Variants in VPS35L observed in about 807,000 individuals in gnomAD.
The protein encoded by VPS35L is VPS35 endosomal protein sorting factor like.
In VPS35L, 83 loss-of-function variants were observed where a neutral mutation model predicts 133.0. The ratio of observed to expected loss-of-function variants is 0.62; its 90% confidence interval spans 0.52 to 0.75. VPS35L has a LOEUF of 0.75. Ranked by LOEUF, VPS35L falls within the 30% of genes least tolerant of loss-of-function variation. The pLI, the probability that VPS35L is intolerant of heterozygous loss-of-function variation, is 0.00. For synonymous variants in VPS35L, 423 were observed against 449.9 expected (o/e 0.94, Z 0.76); for missense variants, 1,083 against 1,206.8 (o/e 0.90, Z 1.52).
intron 12 of VPS35L, among the ~76,000 whole-genome samples, chr16:19,613,777 G>T (rs1219006448): frequency 1.3e-5 from 2 of 152,164 alleles, no homozygotes; most frequent in African/African-American, 4.8e-5. Context: ...ATGGAGCTCA[G>T]GGTGAGGTGG....
chr16:19,604,880 C>G (rs933566975), intron 9 of VPS35L, among the ~76,000 whole-genome samples: 2 of 152,144 alleles, frequency 1.3e-5, no homozygotes, highest in Non-Finnish European at 2.9e-5. Flanking sequence ...TAGATGTGGT[C>G]ATTTTTTCCC....
chr16:19,606,638 C>T (rs1972545281), intron 9 of VPS35L, among the ~76,000 whole-genome samples: 1 of 152,096 alleles, frequency 6.6e-6, no homozygotes, highest in African/African-American at 2.4e-5. Context: ...TTTTGATCAC[C>T]TTCATATACT....
At chr16:19,568,587 T>G (rs754890951) in intron 2 of VPS35L, among the ~76,000 whole-genome samples, 34 of 152,036 alleles carry the variant, frequency 2.2e-4, no homozygotes, top group Non-Finnish European at 4.0e-4. Flanking sequence ...CCATCGGGAG[T>G]CACCTTATTA....
At chr16:19,647,456 G>C (rs1285174284) in intron 23 of VPS35L, among the ~76,000 whole-genome samples, 6 of 152,132 alleles carry the variant, frequency 3.9e-5, no homozygotes, top group African/African-American at 1.4e-4. Context: ...GCCAAGGTTG[G>C]GTCCCCATCA....
intron 22 of VPS35L, 103 bp from the exon 23 acceptor site, chr16:19,644,775 GAAAATGCA>G: frequency 1.6e-6 from 1 of 644,096 alleles, no homozygotes; most frequent in East Asian, 2.9e-5. Flanking sequence ...TTTAAATCTA[GAAAATGCA>G]AAATGTTCTT....
At chr16:19,642,839 A>G (rs1424203893) in intron 22 of VPS35L, among the ~76,000 whole-genome samples, 4 of 152,200 alleles carry the variant, frequency 2.6e-5, no homozygotes, top group African/African-American at 9.6e-5. Flanking sequence ...ATATTAGCCA[A>G]TTATTTGAAA....
chr16:19,700,415 A>C lies in VPS35L; in HGVS notation c.2831A>C (p.Gln944Pro). The C allele has an allele frequency of 6.2e-7, 1 of 1,614,158 alleles. No individual in the cohort carries two copies. The highest frequency in any genetic ancestry group is 8.5e-7 in the Non-Finnish European group (1 of 1,180,024). The change falls in exon 31 of 31, where the codon CAA (glutamine) becomes CCA (proline). Residue 944 changes from glutamine (Q) to proline (P), a missense_variant. By Grantham distance (76) the Gln-to-Pro change is moderately conservative. Coordinates refer to ENST00000417362, the MANE Select transcript of VPS35L (RefSeq NM_020314.7). Reference protein sequence around the residue: ...TLEYIKKQSKQPDMTHLTELA... With the variant: ...TLEYIKKQSKPPDMTHLTELA... Reference sequence around the variant, plus strand: ...GAATACATCAAGAAGCAAAGCAAACAACCAGACATGACTCATCTGACGGAG... The same window carrying C: ...GAATACATCAAGAAGCAAAGCAAACCACCAGACATGACTCATCTGACGGAG...
rs753663155 is a variant in VPS35L, at chr16:19,700,413, A to C, written c.2829A>C (p.Lys943Asn). ...KTLEYIKKQS[K>N]QPDMTHLTEL... Reference sequence around the variant, plus strand: ...TAGAATACATCAAGAAGCAAAGCAAACAACCAGACATGACTCATCTGACGG... The same window carrying C: ...TAGAATACATCAAGAAGCAAAGCAACCAACCAGACATGACTCATCTGACGG... The change falls in exon 31 of 31, where the codon AAA (lysine) becomes AAC (asparagine). Residue 943 changes from lysine to asparagine, a missense_variant. By Grantham distance (94) the Lys-to-Asn change is moderately conservative. Transcript: ENST00000417362. 33 of 1,614,028 alleles carry C rather than the reference A, an allele frequency of 2.0e-5. No homozygotes were observed. Among genetic ancestry groups the C allele is most frequent in the Non-Finnish European group, 2.6e-5 (31 of 1,180,030 alleles).
chr16:19,621,345 A>G (rs1471337790), intron 14 of VPS35L, among the ~76,000 whole-genome samples: 2 of 152,244 alleles, frequency 1.3e-5, no homozygotes, highest in African/African-American at 2.4e-5. Context: ...GGACATTCGC[A>G]TCTTTCTTGA....
At position 19,633,055 on chromosome 16, in the gene VPS35L, G is replaced by T. The variant is rs550469914; in HGVS notation, c.1555-37G>T. The T allele has an allele frequency of 6.4e-7, 1 of 1,557,526 alleles. No homozygotes were observed. The highest frequency in any genetic ancestry group is 1.1e-5 in the South Asian group (1 of 89,826). On this transcript the variant is annotated intron_variant, in intron 18 of 30. Transcript: ENST00000417362. The surrounding 1 kb of genome is among the most constrained non-coding windows in gnomAD (Gnocchi z 4.1). ...GAACATGGTCAGCAGTTGCCATACA[G>T]TGTCTAATTCAGGTTTGGTTCCTTT...
chr16:19,685,591 G>T (rs1975429681), intron 28 of VPS35L, among the ~76,000 whole-genome samples: 1 of 152,152 alleles, frequency 6.6e-6, no homozygotes, highest in Non-Finnish European at 1.5e-5. Context: ...TTCTGCGTTG[G>T]AGGATACTGC....
At chr16:19,670,432 G>A (rs1974837881) in intron 27 of VPS35L, among the ~76,000 whole-genome samples, 1 of 152,178 alleles carries the variant, frequency 6.6e-6, no homozygotes, top group Admixed American at 6.5e-5. Flanking sequence ...ACATCCCTGG[G>A]CTGCAGTTTC....
At chr16:19,576,542 C>T (rs963108895) in intron 5 of VPS35L, among the ~76,000 whole-genome samples, 1 of 152,074 alleles carries the variant, frequency 6.6e-6, no homozygotes, top group African/African-American at 2.4e-5. Flanking sequence ...GATGGGACCC[C>T]AGAATTCCTA....
chr16:19,642,125 A>T (rs888645679), intron 21 of VPS35L, among the ~76,000 whole-genome samples: 4 of 152,060 alleles, frequency 2.6e-5, no homozygotes, highest in African/African-American at 7.2e-5. Context: ...CAGGAGGATC[A>T]CTCCAACCCA....
At chr16:19,630,330 T>G (rs999531498) in intron 18 of VPS35L, among the ~76,000 whole-genome samples, 1 of 115,200 alleles carries the variant, frequency 8.7e-6, no homozygotes, top group Non-Finnish European at 1.7e-5. Flanking sequence ...CTAAAAGTTT[T>G]TTTTTTTTTT....
intron 1 of VPS35L, among the ~76,000 whole-genome samples, chr16:19,559,036 C>T (rs1970947037): frequency 6.6e-6 from 1 of 151,722 alleles, no homozygotes. Flanking sequence ...GAAGAAAAAG[C>T]TGTGTGGTCC....
At chr16:19,597,535 G>A (rs2151534510) in intron 8 of VPS35L, among the ~76,000 whole-genome samples, 1 of 152,288 alleles carries the variant, frequency 6.6e-6, no homozygotes, top group East Asian at 1.9e-4. Context: ...GAGAGAAACT[G>A]CGCTCGGTAC....
chr16:19,595,839 A>G (rs1356750167), intron 8 of VPS35L, among the ~76,000 whole-genome samples: 1 of 152,216 alleles, frequency 6.6e-6, no homozygotes, highest in African/African-American at 2.4e-5. Context: ...CAGACTGTTT[A>G]GGTGCTTTAT....
intron 1 of VPS35L, among the ~76,000 whole-genome samples, chr16:19,564,025 G>A (rs901184690): frequency 6.6e-6 from 1 of 152,142 alleles, no homozygotes; most frequent in African/African-American, 2.4e-5. Context: ...GTTTCCCTTT[G>A]TTCTGGTGTG....
Sources: gnomAD v4.1 joint callset for allele counts (sites outside exome capture counted in the v4.1 genomes callset) on GRCh38, gnomAD v4.1.1 for gene constraint, Gnocchi (gnomAD v3.1) non-coding constraint, MANE v1.5 for transcripts, NCBI Gene and HGNC (gene_info 2026-07-23, HGNC 2026-07-21) for gene names.